The following CDKAL1 variants were observed in gnomAD, a reference collection of about 807,000 sequenced individuals.
CDKAL1 encodes the protein threonylcarbamoyladenosine tRNA methylthiotransferase.
Under a neutral mutation model 68.2 loss-of-function variants are expected in CDKAL1, and 32 were observed. That is an observed-to-expected ratio of 0.47 (90% CI 0.35 to 0.63). The LOEUF (loss-of-function observed/expected upper bound fraction) is 0.63. Ranked by LOEUF, CDKAL1 falls within the 30% of genes least tolerant of loss-of-function variation. The pLI, the probability that CDKAL1 is intolerant of heterozygous loss-of-function variation, is 0.00. For synonymous variants in CDKAL1, 234 were observed against 244.3 expected, an observed-to-expected ratio of 0.96 and a Z score of 0.39; for missense variants, 606 against 696.7, an observed-to-expected ratio of 0.87 and a Z score of 1.47.
At chr6:20,931,558 G>A (rs1239126248) in intron 9 of CDKAL1, among the ~76,000 whole-genome samples, 1 of 152,090 alleles carries the variant, frequency 6.6e-6, no homozygotes, top group African/African-American at 2.4e-5. Context: ...AATGTGTGGT[G>A]GCATTTGTCT....
At chr6:20,663,551 G>A (rs1769387688) in intron 5 of CDKAL1, among the ~76,000 whole-genome samples, 1 of 152,026 alleles carries the variant, frequency 6.6e-6, no homozygotes, top group African/African-American at 2.4e-5. Context: ...TCTGATGAAG[G>A]AATAACAGAA....
chr6:21,044,223 T>G (rs766737509), intron 11 of CDKAL1, among the ~76,000 whole-genome samples: 7 of 152,146 alleles, frequency 4.6e-5, no homozygotes, highest in Non-Finnish European at 1.0e-4. Context: ...CATCCCACCC[T>G]TCTCTCTTGT....
chr6:20,916,703 A>G (rs1446638502), intron 9 of CDKAL1, among the ~76,000 whole-genome samples: 1 of 152,186 alleles, frequency 6.6e-6, no homozygotes, highest in African/African-American at 2.4e-5. Flanking sequence ...ATCCATCACA[A>G]TTTAAAAAGA....
intron 5 of CDKAL1, among the ~76,000 whole-genome samples, chr6:20,696,730 T>C (rs1771123222): frequency 6.6e-6 from 1 of 152,236 alleles, no homozygotes; most frequent in Non-Finnish European, 1.5e-5. Flanking sequence ...CTTGTAATTA[T>C]ATAGAATTTG....
chr6:20,681,970 A>G (rs1051846897), intron 5 of CDKAL1, among the ~76,000 whole-genome samples: 3 of 152,224 alleles, frequency 2.0e-5, no homozygotes, highest in African/African-American at 7.2e-5. Context: ...TTCATGGTTC[A>G]TAGATGGCAA....
At chr6:20,579,836 C>T (rs1469016144) in intron 4 of CDKAL1, among the ~76,000 whole-genome samples, 1 of 152,176 alleles carries the variant, frequency 6.6e-6, no homozygotes, top group African/African-American at 2.4e-5. Context: ...GATGTAGCAA[C>T]TGGGACTTTG....
intron 12 of CDKAL1, among the ~76,000 whole-genome samples, chr6:21,068,245 T>C (rs1444072627): frequency 6.6e-6 from 1 of 152,276 alleles, no homozygotes; most frequent in East Asian, 1.9e-4. Context: ...TTTTTTTATG[T>C]TAGTGCTTTT....
At chr6:20,915,844 C>T (rs1280574218) in intron 9 of CDKAL1, among the ~76,000 whole-genome samples, 4 of 151,976 alleles carry the variant, frequency 2.6e-5, no homozygotes, top group African/African-American at 7.3e-5. Context: ...TGTGGTATAT[C>T]CATACAGTGG....
intron 11 of CDKAL1, among the ~76,000 whole-genome samples, chr6:21,006,233 A>G (rs938676349): frequency 6.6e-6 from 1 of 152,116 alleles, no homozygotes; most frequent in Admixed American, 6.6e-5. Flanking sequence ...TGCCTTATTC[A>G]TCTAGTTTTA....
intron 5 of CDKAL1, among the ~76,000 whole-genome samples, chr6:20,688,045 T>G (rs1207002349): frequency 6.6e-6 from 1 of 152,164 alleles, no homozygotes; most frequent in African/African-American, 2.4e-5. Flanking sequence ...TTATTTTACT[T>G]TACCACTCGC....
chr6:20,738,494 T>TTG (rs1773299397), intron 5 of CDKAL1, among the ~76,000 whole-genome samples: 1 of 149,448 alleles, frequency 6.7e-6, no homozygotes, highest in Non-Finnish European at 1.5e-5. Context: ...AGTTTTTTTT[T>TTG]TTTTTTTTTT....
At chr6:21,057,437 C>CT (rs1770896358) in intron 11 of CDKAL1, among the ~76,000 whole-genome samples, 1 of 144,392 alleles carries the variant, frequency 6.9e-6, no homozygotes, top group Non-Finnish European at 1.5e-5. Context: ...AGCTAGTAGT[C>CT]TATCTATTTT....
At chr6:20,695,020 A>G (rs916890977) in intron 5 of CDKAL1, among the ~76,000 whole-genome samples, 1 of 152,136 alleles carries the variant, frequency 6.6e-6, no homozygotes, top group Admixed American at 6.5e-5. Flanking sequence ...AGAACTATGA[A>G]CCAAACAAAC....
At chr6:21,063,705 T>C (rs905132033) in intron 11 of CDKAL1, among the ~76,000 whole-genome samples, 62 of 152,090 alleles carry the variant, frequency 4.1e-4, no homozygotes, top group African/African-American at 8.2e-4. Context: ...GAAATGTAAA[T>C]AGTAATATTG....
chr6:21,069,770 C>CTTTTTTTTTTTTTTTTTTTTTT lies in CDKAL1; in HGVS notation c.1236+4545_1236+4546insTTTTTTTTTTTTTTTTTTTTTT, dbSNP rs1771654458. Among the ~76,000 whole-genome samples the CTTTTTTTTTTTTTTTTTTTTTT allele has an allele frequency of 9.5e-5, 4 of 42,254 alleles. 2 individuals carry two copies. The highest frequency in any genetic ancestry group is 2.3e-4 in the African/African-American group (4 of 17,420). The allele number at this position is 42,254 out of a possible 152,430, so 27.7% of individuals were successfully genotyped here. A position where few individuals can be genotyped will look rare whatever the true frequency, so the allele number is the denominator to read the frequency against. On this transcript the variant is annotated intron_variant, in intron 12 of 15. Coordinates refer to ENST00000274695, the MANE Select transcript of CDKAL1 (RefSeq NM_017774.3). ...TGCCCAATAAAATCCCCCAGATTTTCTTTCTTTTTTTTTTTTTTTTTTTTT... is the reference window on the plus strand; with the variant it reads ...TGCCCAATAAAATCCCCCAGATTTTCTTTTTTTTTTTTTTTTTTTTTTTTTCTTTTTTTTTTTTTTTTTTTTT...
Position 20,685,302 on chromosome 6 carries a change from A to G in CDKAL1, c.371+35925A>G, listed in dbSNP as rs76831769. Among the ~76,000 whole-genome samples the G allele has an allele frequency of 1.4e-3, 207 of 152,286 alleles. No homozygotes were observed. In the East Asian group the frequency reaches 0.016, roughly 12 times the overall value. Reference sequence around the variant, plus strand: ...CTTTCGCTCCTTGGTCAAAGATCCGATGATTGTATTTTTGTGGGTCTATTT... The same window carrying G: ...CTTTCGCTCCTTGGTCAAAGATCCGGTGATTGTATTTTTGTGGGTCTATTT... On this transcript the variant is annotated intron_variant, in intron 5 of 15. Transcript: ENST00000274695.
chr6:20,833,199 T>C (rs182389367), intron 8 of CDKAL1, among the ~76,000 whole-genome samples: 1 of 152,316 alleles, frequency 6.6e-6, no homozygotes, highest in Admixed American at 6.5e-5. Flanking sequence ...ATTCTAGAAC[T>C]GGTTCCAGCG....
intron 13 of CDKAL1, among the ~76,000 whole-genome samples, chr6:21,128,308 C>T (rs914387980): frequency 6.6e-6 from 1 of 152,138 alleles, no homozygotes; most frequent in African/African-American, 2.4e-5. Flanking sequence ...GGCTAGGCTA[C>T]GATGTTCAGT....
At position 21,230,936 on chromosome 6, in the gene CDKAL1, T is replaced by C. The variant is rs1409389815; in HGVS notation, c.1637T>C (p.Val546Ala). ...SQCDSASSRM[V>A]LPMPRLHQDC... Reference sequence around the variant, plus strand: ...TGTGACTCAGCGAGTTCCAGAATGGTGCTGCCCATGCCAAGGCTACATCAA... The same window carrying C: ...TGTGACTCAGCGAGTTCCAGAATGGCGCTGCCCATGCCAAGGCTACATCAA... Residue 546 changes from valine to alanine, a missense_variant, in exon 16 of 16, where the codon GTG (valine) becomes GCG (alanine). Coordinates refer to ENST00000274695, the MANE Select transcript of CDKAL1 (RefSeq NM_017774.3). 1 of 1,614,166 alleles carries C rather than the reference T, an allele frequency of 6.2e-7. No individual in the cohort carries two copies.
Sources: gnomAD v4.1 joint callset for allele counts (sites outside exome capture counted in the v4.1 genomes callset) on GRCh38, gnomAD v4.1.1 for gene constraint, MANE v1.5 for transcripts, NCBI Gene and HGNC (gene_info 2026-07-23, HGNC 2026-07-21) for gene names.